Variants in AK8 observed in about 807,000 individuals in gnomAD.
AK8 encodes the protein adenylate kinase 8.
AK8 carries 44 observed loss-of-function variants against 54.6 expected under a neutral mutation model. The observed-to-expected ratio is 0.81, with a 90% CI of 0.63 to 1.04. The LOEUF is 1.04. Among genes scored for constraint, AK8 ranks in the 50% least tolerant of loss-of-function variants. The probability of loss-of-function intolerance (pLI) is 0.00; values close to 1 mark genes in which losing one functional copy is unlikely to be tolerated. For missense variants in AK8, 555 were observed against 613.6 expected, an observed-to-expected ratio of 0.90 and a Z score of 1.01; for synonymous variants, 239 against 245.6, an observed-to-expected ratio of 0.97 and a Z score of 0.25.
chr9:132,757,798 A>G (rs1020280912), intron 11 of AK8, among the ~76,000 whole-genome samples: 1 of 152,354 alleles, frequency 6.6e-6, no homozygotes, highest in African/African-American at 2.4e-5. Flanking sequence ...CGTGGGTAAT[A>G]TAGCCATTCC....
At chr9:132,749,563 T>C (rs1837808193) in intron 11 of AK8, among the ~76,000 whole-genome samples, 1 of 151,880 alleles carries the variant, frequency 6.6e-6, no homozygotes, top group Non-Finnish European at 1.5e-5. Context: ...TGAGGCAGCT[T>C]GCCCCGATAT....
chr9:132,826,998 T>C lies in AK8; in HGVS notation c.613A>G (p.Met205Val). The C allele has an allele frequency of 6.2e-7, 1 of 1,614,020 alleles. No individual in the cohort carries two copies. Among genetic ancestry groups the C allele is most frequent in the Non-Finnish European group, 8.5e-7 (1 of 1,179,810 alleles). Residue 205 changes from methionine (M) to valine (V), a missense_variant, in exon 8 of 13, where the codon ATG becomes GTG. Physicochemically the swap from Met to Val is conservative, Grantham distance 21. Coordinates refer to ENST00000298545, the MANE Select transcript of AK8 (RefSeq NM_152572.3). The surrounding 1 kb of genome is among the most constrained non-coding windows in gnomAD (Gnocchi z 4.5). ...AGCTCTGAGATGTCCTCTGGCACCA[T>C]GAGACGGTTCTGGATTTCAGATTCG... ...PPESEIQNRLMVPEDISELET... is the reference protein window; with the variant it reads ...PPESEIQNRLVVPEDISELET...
intron 5 of AK8, among the ~76,000 whole-genome samples, chr9:132,839,384 T>C (rs1348189733): frequency 6.6e-6 from 1 of 152,230 alleles, no homozygotes; most frequent in African/African-American, 2.4e-5. Context: ...AAAGTAACAC[T>C]CTTTTAACAC....
chr9:132,827,618 C>T (rs1841927676), intron 7 of AK8, among the ~76,000 whole-genome samples: 1 of 152,046 alleles, frequency 6.6e-6, no homozygotes, highest in Non-Finnish European at 1.5e-5. Context: ...CCTGCCAATT[C>T]TCCCAGGTAA....
intron 1 of AK8, chr9:132,877,928 C>T (rs1844206617): frequency 1.1e-6 from 1 of 941,512 alleles, no homozygotes; most frequent in Non-Finnish European, 1.6e-6. Flanking sequence ...GACCAAATCC[C>T]GGCTCGAGTG....
intron 5 of AK8, among the ~76,000 whole-genome samples, chr9:132,850,371 C>T (rs970365571): frequency 2.2e-4 from 32 of 145,434 alleles, no homozygotes; most frequent in Non-Finnish European, 3.3e-4. Flanking sequence ...GGATTACAGG[C>T]GTGAGCCACT....
At chr9:132,775,387 C>A (rs1839167046) in intron 11 of AK8, among the ~76,000 whole-genome samples, 1 of 152,138 alleles carries the variant, frequency 6.6e-6, no homozygotes, top group East Asian at 1.9e-4. Context: ...ACTGCAATTT[C>A]CACCTCCTGG....
intron 11 of AK8, among the ~76,000 whole-genome samples, chr9:132,752,236 A>G (rs1356269863): frequency 6.8e-6 from 1 of 147,216 alleles, no homozygotes; most frequent in Non-Finnish European, 1.5e-5. Context: ...ATTTTTACTT[A>G]GCTACATTTT....
At chr9:132,857,509 G>A (rs1843218669) in intron 4 of AK8, among the ~76,000 whole-genome samples, 1 of 152,002 alleles carries the variant, frequency 6.6e-6, no homozygotes, top group Non-Finnish European at 1.5e-5. Context: ...CCTTCCCTCT[G>A]CATCCCCCCT....
chr9:132,877,759 G>A (rs1179137210), intron 1 of AK8: 1 of 450,874 alleles, frequency 2.2e-6, no homozygotes, highest in Admixed American at 2.4e-5. Flanking sequence ...TCAGAAACCT[G>A]GGCCGAGAGG....
At chr9:132,806,745 C>G (rs1162377916) in intron 10 of AK8, among the ~76,000 whole-genome samples, 1 of 152,192 alleles carries the variant, frequency 6.6e-6, no homozygotes, top group Non-Finnish European at 1.5e-5. Flanking sequence ...GAGCTCTGAT[C>G]CACACCTCCT....
At chr9:132,833,049 C>T (rs115599033) in intron 5 of AK8, among the ~76,000 whole-genome samples, 2,927 of 152,284 alleles carry the variant, frequency 0.019, 91 homozygotes, top group African/African-American at 0.067. Context: ...GAGAAGGCAG[C>T]CATGGAGGCT....
At chr9:132,751,293 A>T (rs1483947398) in intron 11 of AK8, among the ~76,000 whole-genome samples, 1 of 149,800 alleles carries the variant, frequency 6.7e-6, no homozygotes, top group African/African-American at 2.4e-5. Flanking sequence ...CTGAGGCAGG[A>T]GAATCGCTTG....
At chr9:132,815,180 T>C (rs429269) in intron 9 of AK8, among the ~76,000 whole-genome samples, 30,981 of 152,186 alleles carry the variant, frequency 0.2, 3,447 homozygotes, top group East Asian at 0.44. Flanking sequence ...GGGGGTGCAG[T>C]GTGTTGCTTC....
At chr9:132,848,465 T>C (rs1468231544) in intron 5 of AK8, among the ~76,000 whole-genome samples, 4 of 152,052 alleles carry the variant, frequency 2.6e-5, no homozygotes, top group African/African-American at 4.8e-5. Context: ...GAGTGTGAAA[T>C]TGGGGTAAAG....
intron 5 of AK8, among the ~76,000 whole-genome samples, chr9:132,840,449 AG>A (rs1842497104): frequency 7.2e-6 from 1 of 139,454 alleles, no homozygotes; most frequent in African/African-American, 2.7e-5. Flanking sequence ...CACACACACA[AG>A]GCAAGTGAAC....
Position 132,878,235 on chromosome 9 carries a change from C to A in AK8, c.21G>T (p.Pro7=), listed in dbSNP as rs997472397. The change falls in exon 1 of 13, where the codon CCG becomes CCT. Residue 7 remains proline, a synonymous_variant. Coordinates refer to ENST00000298545, the MANE Select transcript of AK8 (RefSeq NM_152572.3). This position sits in a 1 kb window ranked among gnomAD's most constrained non-coding sequence, Gnocchi z 4.7. MDATIA[P]HRIPPEMPQY... is the part of the protein sequence containing the mutation. ...GGGGCATCTCGGGGGGGATACGGTGCGGGGCGATAGTGGCGTCCATGTAGC... is the reference window on the plus strand; with the variant it reads ...GGGGCATCTCGGGGGGGATACGGTGAGGGGCGATAGTGGCGTCCATGTAGC... The A allele has an allele frequency of 1.4e-6, 2 of 1,433,784 alleles. No homozygotes were observed. The highest frequency in any genetic ancestry group is 9.2e-7 in the Non-Finnish European group (1 of 1,088,374). The allele number at this position is 1,433,784 out of a possible 1,614,324, so 88.8% of individuals were successfully genotyped here.
intron 11 of AK8, among the ~76,000 whole-genome samples, chr9:132,763,765 A>G (rs544484389): frequency 8.1e-4 from 123 of 152,360 alleles, no homozygotes; most frequent in Non-Finnish European, 1.5e-3. Flanking sequence ...GGGCTGCCCA[A>G]TTCATGAATT....
At chr9:132,733,433 A>C (rs1247669860) in intron 11 of AK8, among the ~76,000 whole-genome samples, 3 of 152,230 alleles carry the variant, frequency 2.0e-5, no homozygotes, top group Non-Finnish European at 4.4e-5. Flanking sequence ...GAAATCCCTG[A>C]TAATTGAAGC....
Sources: allele counts gnomAD v4.1 joint callset (sites outside exome capture counted in the v4.1 genomes callset), GRCh38; gene constraint gnomAD v4.1.1; non-coding constraint Gnocchi (gnomAD v3.1); transcripts MANE v1.5; gene names NCBI Gene and HGNC (gene_info 2026-07-23, HGNC 2026-07-21).